EFCAB10: variants seen among roughly 807,000 people sequenced by gnomAD.
EFCAB10 encodes the protein EF-hand calcium binding domain 10.
Under a neutral mutation model 7.7 loss-of-function variants are expected in EFCAB10, and 7 were observed. That is an observed-to-expected ratio of 0.91 (90% CI 0.52 to 1.72). The LOEUF is 1.72. Ranked by LOEUF, EFCAB10 falls within the 40% of genes most tolerant of loss-of-function variation. The pLI is 0.00. For missense variants in EFCAB10, 112 were observed against 61.5 expected (o/e 1.82, Z -2.74); for synonymous variants, 52 against 21.0 (o/e 2.47, Z -4.03).
chr7:105,567,216 G>A (rs1791802783), intron 4 of EFCAB10: 1 of 1,613,200 alleles, frequency 6.2e-7, no homozygotes, highest in Admixed American at 1.7e-5. Flanking sequence ...TCCTGCCACA[G>A]CAGCATTAAA....
At chr7:105,570,999 T>A (rs1364370681) in intron 1 of EFCAB10, 1 of 151,842 alleles carries the variant, frequency 6.6e-6, no homozygotes, top group Non-Finnish European at 1.5e-5. Flanking sequence ...CACTCCAGCC[T>A]GGGCGACGGA....
At chr7:105,570,266 TATACAC>T (rs1183875459) in intron 1 of EFCAB10, among the ~76,000 whole-genome samples, 1 of 79,982 alleles carries the variant, frequency 1.3e-5, no homozygotes, top group African/African-American at 4.7e-5. Flanking sequence ...TATATATATA[TATACAC>T]ACACACACAC....
chr7:105,571,579 T>C (rs1791949897), intron 1 of EFCAB10: 1 of 152,206 alleles, frequency 6.6e-6, no homozygotes, highest in African/African-American at 2.4e-5. Flanking sequence ...GGCATTTTGC[T>C]TTTTGAATTT....
rs185684106 is a variant in EFCAB10, at chr7:105,565,422, C to T, written c.*25G>A. The T allele has an allele frequency of 1.9e-5, 30 of 1,614,114 alleles. No homozygotes were observed. In the Admixed American group the frequency reaches 4.3e-4, roughly 23 times the overall value. ...CTTATTTAAAATTTTCTGGCAAATG[C>T]TTGTAGAGAAGCTGGATGTATACAT... On this transcript the variant is annotated 3_prime_UTR_variant, in exon 5 of 5. Coordinates refer to ENST00000480514, the MANE Select transcript of EFCAB10 (RefSeq NM_001355526.2).
At chr7:105,571,189 CTTGT>C (rs2133517185) in intron 1 of EFCAB10, 1 of 152,308 alleles carries the variant, frequency 6.6e-6, no homozygotes, top group South Asian at 2.1e-4. Context: ...CAAAGTTAAT[CTTGT>C]TTGTGCCCTA....
chr7:105,567,052 C>G, intron 4 of EFCAB10: 1 of 1,046,044 alleles, frequency 9.6e-7, no homozygotes, highest in Non-Finnish European at 1.3e-6. Context: ...TTAGGATTCT[C>G]AAAATTGTAA....
intron 1 of EFCAB10, among the ~76,000 whole-genome samples, chr7:105,580,493 T>G (rs1792196426): frequency 6.6e-6 from 1 of 152,248 alleles, no homozygotes; most frequent in South Asian, 2.1e-4. Flanking sequence ...TTTATTTTTA[T>G]TTTTGAGATA....
At position 105,565,330 on chromosome 7, in the gene EFCAB10, C is replaced by T. The variant is rs187666745; in HGVS notation, c.*117G>A. 2.3e-5 allele frequency: 37 copies of T among 1,614,156 alleles called. No homozygotes were observed. The highest frequency in any genetic ancestry group is 2.2e-4 in the East Asian group (10 of 44,888). On this transcript the variant is annotated 3_prime_UTR_variant, in exon 5 of 5. Coordinates refer to ENST00000480514, the MANE Select transcript of EFCAB10 (RefSeq NM_001355526.2). ...CAGGCAGTGATGTCCCTGTCCAGTTCGGCTTGCCCGTTGCTGCTGACGTTA... is the reference window on the plus strand; with the variant it reads ...CAGGCAGTGATGTCCCTGTCCAGTTTGGCTTGCCCGTTGCTGCTGACGTTA...
At chr7:105,567,555 G>A (rs1300232187) in intron 3 of EFCAB10, 65 bp from the exon 4 acceptor site, 2 of 656,226 alleles carry the variant, frequency 3.0e-6, no homozygotes, top group Non-Finnish European at 5.4e-6. Flanking sequence ...TATAAATGCT[G>A]AGTATGTCTG....
Position 105,565,255 on chromosome 7 carries a change from G to C in EFCAB10, c.*192C>G. ...AAATAGAAACTGATGAAAATTTTTT[G>C]GTAAAAATGTGTTTTTTCCAGATGG... On this transcript the variant is annotated 3_prime_UTR_variant, in exon 5 of 5. Transcript: ENST00000480514. The C allele has an allele frequency of 1.9e-6, 3 of 1,554,926 alleles. No individual in the cohort carries two copies. Among genetic ancestry groups the C allele is most frequent in the African/African-American group, 1.4e-5 (1 of 72,248 alleles).
chr7:105,567,955 C>T (rs145334064), intron 3 of EFCAB10, among the ~76,000 whole-genome samples: 2 of 152,270 alleles, frequency 1.3e-5, no homozygotes, highest in African/African-American at 2.4e-5. Flanking sequence ...GATTGTGACA[C>T]GGCACAGCAG....
intron 1 of EFCAB10, among the ~76,000 whole-genome samples, chr7:105,575,499 A>G (rs1792056485): frequency 6.6e-6 from 1 of 151,970 alleles, no homozygotes; most frequent in African/African-American, 2.4e-5. Context: ...CAGCAATTAT[A>G]TTTCCCAATA....
chr7:105,573,447 T>C (rs999433841), intron 1 of EFCAB10: 1 of 152,218 alleles, frequency 6.6e-6, no homozygotes, highest in African/African-American at 2.4e-5. Flanking sequence ...ACCAGGCTTA[T>C]TGTGTATCCT....
intron 4 of EFCAB10, chr7:105,567,146 T>G: frequency 6.3e-7 from 1 of 1,581,018 alleles, no homozygotes; most frequent in African/African-American, 1.4e-5. Flanking sequence ...TTGTTTTGAA[T>G]TTGAACGTCG....
At chr7:105,567,254 A>C in intron 4 of EFCAB10, 1 of 1,613,132 alleles carries the variant, frequency 6.2e-7, no homozygotes, top group South Asian at 1.1e-5. Context: ...AACTGGCTCA[A>C]CAAGATGTTG....
intron 4 of EFCAB10, 101 bp downstream of exon 4, chr7:105,567,366 T>C (rs1586279246): frequency 1.6e-6 from 2 of 1,227,450 alleles, no homozygotes; most frequent in Non-Finnish European, 1.2e-6. Flanking sequence ...AGGAAGCCAA[T>C]TGGATTTCAA....
chr7:105,574,589 A>G (rs1792029569), intron 1 of EFCAB10, among the ~76,000 whole-genome samples: 1 of 151,766 alleles, frequency 6.6e-6, no homozygotes, highest in Non-Finnish European at 1.5e-5. Context: ...GGTTCATGCC[A>G]TTCTCCTGCC....
At chr7:105,576,448 T>C (rs1044092651) in intron 1 of EFCAB10, among the ~76,000 whole-genome samples, 39 of 151,896 alleles carry the variant, frequency 2.6e-4, no homozygotes, top group Non-Finnish European at 3.7e-4. Flanking sequence ...TCATCATCAT[T>C]ATTATTATTA....
At chr7:105,576,665 C>T (rs972588387) in intron 1 of EFCAB10, among the ~76,000 whole-genome samples, 3 of 152,106 alleles carry the variant, frequency 2.0e-5, no homozygotes, top group African/African-American at 7.2e-5. Flanking sequence ...AGGATGGCCT[C>T]GATATCCTGA....
Sources: gnomAD v4.1 joint callset for allele counts (sites outside exome capture counted in the v4.1 genomes callset) on GRCh38, gnomAD v4.1.1 for gene constraint, MANE v1.5 for transcripts, NCBI Gene and HGNC (gene_info 2026-07-23, HGNC 2026-07-21) for gene names.